The following PI15 variants were observed in gnomAD, a reference collection of about 807,000 sequenced individuals.
PI15 encodes the protein peptidase inhibitor 15, also known as 25 kDa trypsin inhibitor.
PI15 carries 18 observed loss-of-function variants against 31.0 expected under a neutral mutation model. The ratio of observed to expected loss-of-function variants is 0.58; its 90% CI spans 0.40 to 0.86. The LOEUF is 0.86. Among genes scored for constraint, PI15 ranks in the 40% least tolerant of loss-of-function variants. The pLI is 0.00. For missense variants in PI15, 282 were observed against 328.1 expected (o/e 0.86, Z 1.09); for synonymous variants, 118 against 119.1 (o/e 0.99, Z 0.06).
At position 74,849,949 on chromosome 8, in the gene PI15, A is replaced by G. The variant is rs1811083099; in HGVS notation, c.*696A>G. ...CCGCTTAGTCTCATTTTATTCATTC[A>G]GTCGTCATGAGTTGAGTGCTTACTA... is the stretch of plus-strand genomic sequence containing the variant. On this transcript the variant is annotated 3_prime_UTR_variant, in exon 6 of 6. Coordinates refer to ENST00000260113, the MANE Select transcript of PI15 (RefSeq NM_015886.5). 6.6e-6 allele frequency: 1 copy of G among 152,190 alleles called. No individual in the cohort carries two copies. Among genetic ancestry groups the G allele is most frequent in the African/African-American group, 2.4e-5 (1 of 41,454 alleles). The allele number at this position is 152,190 out of a possible 1,614,324, so 9.4% of individuals were successfully genotyped here.
At chr8:74,848,967 A>G (rs1299264846) in intron 5 of PI15, 151 bp from the exon 6 acceptor site, 2 of 621,234 alleles carry the variant, frequency 3.2e-6, no homozygotes, top group Non-Finnish European at 5.5e-6. Context: ...TATTGAAATA[A>G]GAAATGATTA....
rs1811131666 is a variant in PI15, at chr8:74,853,202, T to C, written c.*3949T>C. On this transcript the variant is annotated 3_prime_UTR_variant, in exon 6 of 6. Transcript: ENST00000260113. ...ATATCCTTGCTATAAGTTTTGAAGT[T>C]TCTTAGCAATTAAAGTTTTTTTATT... 1 of 152,556 alleles carries C rather than the reference T, an allele frequency of 6.6e-6. No individual in the cohort carries two copies. The highest frequency in any genetic ancestry group is 1.5e-5 in the Non-Finnish European group (1 of 67,968). The allele number at this position is 152,556 out of a possible 1,614,324, so 9.5% of individuals were successfully genotyped here.
chr8:74,831,979 A>G (rs1210965854), intron 2 of PI15, among the ~76,000 whole-genome samples: 1 of 152,096 alleles, frequency 6.6e-6, no homozygotes, highest in African/African-American at 2.4e-5. Context: ...TTTAAGATCC[A>G]GGGTAATCAT....
At position 74,849,659 on chromosome 8, in the gene PI15, G is replaced by A. The variant is rs187360972; in HGVS notation, c.*406G>A. ...TGCACACAAACATATAATATGTGAT[G>A]TAACATGTAGATGATAATATGATTC... On this transcript the variant is annotated 3_prime_UTR_variant, in exon 6 of 6. Transcript: ENST00000260113. 278 of 153,462 alleles carry A rather than the reference G, an allele frequency of 1.8e-3. 1 individual carries two copies. The highest frequency in any genetic ancestry group is 3.4e-3 in the Middle Eastern group (1 of 292). 9.5% of individuals were successfully genotyped at this position (153,462 alleles called of 1,614,324 possible). A position where few individuals can be genotyped will look rare whatever the true frequency, so the allele number is the denominator to read the frequency against.
rs1811008899 is a variant in PI15 at position 74,845,254 on chromosome 8, T to C, written c.519T>C (p.Tyr173=). The C allele has an allele frequency of 6.2e-7, 1 of 1,613,654 alleles. No homozygotes were observed. The highest frequency in any genetic ancestry group is 1.3e-5 in the African/African-American group (1 of 75,050). Reference sequence around the variant, plus strand: ...GTTTTGGTCCCATGTGCACACATTATACGCAGGTTATTTCAATTACCTTGT... The same window carrying C: ...GTTTTGGTCCCATGTGCACACATTACACGCAGGTTATTTCAATTACCTTGT... The part of the protein sequence containing the change: ...MRCFGPMCTH[Y]TQMVWATSNR... The change falls in exon 4 of 6, where the codon TAT becomes TAC. Residue 173 remains tyrosine (Y), a synonymous_variant. Transcript: ENST00000260113.
chr8:74,826,814 G>A (rs1276499554), intron 2 of PI15, among the ~76,000 whole-genome samples: 1 of 152,020 alleles, frequency 6.6e-6, no homozygotes, highest in Admixed American at 6.6e-5. Flanking sequence ...GAGTTGACGA[G>A]TAATCAGACC....
At chr8:74,840,873 T>A (rs569623956) in intron 2 of PI15, among the ~76,000 whole-genome samples, 2 of 152,268 alleles carry the variant, frequency 1.3e-5, no homozygotes, top group South Asian at 4.1e-4. Context: ...TTCTCCAATA[T>A]ATAATATTTG....
chr8:74,844,510 G>A (rs916636461), intron 3 of PI15, among the ~76,000 whole-genome samples: 3 of 150,208 alleles, frequency 2.0e-5, no homozygotes, highest in Admixed American at 6.7e-5. Flanking sequence ...GCATATACCC[G>A]CATTTACATA....
At chr8:74,832,252 A>G (rs1407774847) in intron 2 of PI15, among the ~76,000 whole-genome samples, 1 of 152,164 alleles carries the variant, frequency 6.6e-6, no homozygotes, top group Non-Finnish European at 1.5e-5. Flanking sequence ...AGTTTCTCTG[A>G]GTTAGAGAAC....
rs1810779254 is a variant in PI15, at chr8:74,831,381, C to A, written c.273+5859C>A. Among the ~76,000 whole-genome samples, 3 of 152,068 alleles carry A rather than the reference C, an allele frequency of 2.0e-5. 1 individual carries two copies. The highest frequency in any genetic ancestry group is 4.4e-5 in the Non-Finnish European group (3 of 68,012). On this transcript the variant is annotated intron_variant, in intron 2 of 5. Transcript: ENST00000260113. ...GTGTTTCTGTTGAATATTTATAGAG[C>A]CTAGCATCATGTCTGCTCCACAGAG...
rs1392183817 is a variant in PI15 at position 74,851,131 on chromosome 8, T to G, written c.*1878T>G. 2 of 152,588 alleles carry G rather than the reference T, an allele frequency of 1.3e-5. No individual in the cohort carries two copies. Among genetic ancestry groups the G allele is most frequent in the East Asian group, 3.8e-4 (2 of 5,200 alleles). The allele number at this position is 152,588 out of a possible 1,614,324, so 9.5% of individuals were successfully genotyped here. A position where few individuals can be genotyped will look rare whatever the true frequency, so the allele number is the denominator to read the frequency against. On this transcript the variant is annotated 3_prime_UTR_variant, in exon 6 of 6. Coordinates refer to ENST00000260113, the MANE Select transcript of PI15 (RefSeq NM_015886.5). ...ACCAAATGCTTTGATATCATACTAC[T>G]CTGCCTTTGTGGGCACATATGTAGA...
At position 74,849,322 on chromosome 8, in the gene PI15, G is replaced by A. The variant is rs138348649; in HGVS notation, c.*69G>A. On this transcript the variant is annotated 3_prime_UTR_variant, in exon 6 of 6. Coordinates refer to ENST00000260113, the MANE Select transcript of PI15 (RefSeq NM_015886.5). Reference sequence around the variant, plus strand: ...GGGCATGTATATATATATATGGAGAGAGAATTTTGCACATATTATACATAT... The same window carrying A: ...GGGCATGTATATATATATATGGAGAAAGAATTTTGCACATATTATACATAT... The A allele has an allele frequency of 9.6e-5, 117 of 1,223,664 alleles. No individual in the cohort carries two copies. The African/African-American group carries it at 1.5e-3, about 15-fold the overall frequency. 75.8% of individuals were successfully genotyped at this position (1,223,664 alleles called of 1,614,324 possible). A position where few individuals can be genotyped will look rare whatever the true frequency, so the allele number is the denominator to read the frequency against.
intron 2 of PI15, among the ~76,000 whole-genome samples, chr8:74,833,317 A>C (rs1406793013): frequency 6.6e-6 from 1 of 152,144 alleles, no homozygotes; most frequent in African/African-American, 2.4e-5. Flanking sequence ...CATGTATTAA[A>C]GAGGGATCTA....
intron 2 of PI15, among the ~76,000 whole-genome samples, chr8:74,829,317 A>G (rs1213933042): frequency 6.6e-6 from 1 of 152,124 alleles, no homozygotes; most frequent in African/African-American, 2.4e-5. Context: ...GATAGAACTT[A>G]AAATTTGCAA....
In PI15 at chr8:74,848,714, A is replaced by AAT. The variant is rs148483473; in HGVS notation, c.642-386_642-385dup. On this transcript the variant is annotated intron_variant, in intron 5 of 5. Coordinates refer to ENST00000260113, the MANE Select transcript of PI15 (RefSeq NM_015886.5). ...TATAAATATATATACAATATATATA[A>AAT]ATATATATATATATATATAGAGAGA... Among the ~76,000 whole-genome samples the AAT allele has an allele frequency of 8.3e-3, 1,180 of 142,710 alleles. 6 individuals are homozygous for AAT. Among genetic ancestry groups the AAT allele is most frequent in the African/African-American group, 0.012 (472 of 38,532 alleles). The allele number at this position is 142,710 out of a possible 152,430, so 93.6% of individuals were successfully genotyped here.
intron 2 of PI15, among the ~76,000 whole-genome samples, chr8:74,839,866 A>G (rs1021981334): frequency 6.6e-6 from 1 of 152,174 alleles, no homozygotes; most frequent in African/African-American, 2.4e-5. Context: ...AGAGAAATTT[A>G]TCAGATAGAT....
In PI15 at chr8:74,846,806, G is replaced by A. The variant is rs539522307; in HGVS notation, c.641+1309G>A. ...AAAGAGAGACGGAGAGAGAGAAAGAGAGAGAGGAGGAGGAATGGAAGGAGG... is the reference window on the plus strand; with the variant it reads ...AAAGAGAGACGGAGAGAGAGAAAGAAAGAGAGGAGGAGGAATGGAAGGAGG... On this transcript the variant is annotated intron_variant, in intron 5 of 5. Coordinates refer to ENST00000260113, the MANE Select transcript of PI15 (RefSeq NM_015886.5). 1.8e-4 allele frequency among the ~76,000 whole-genome samples: 28 copies of A among 152,170 alleles called. No individual in the cohort carries two copies. The East Asian group carries it at 5.4e-3, about 29-fold the overall frequency.
intron 2 of PI15, among the ~76,000 whole-genome samples, chr8:74,838,762 A>C (rs964440516): frequency 2.0e-5 from 3 of 152,210 alleles, no homozygotes; most frequent in Non-Finnish European, 4.4e-5. Flanking sequence ...AAGAGGAAAA[A>C]AAGTCAATTC....
intron 5 of PI15, 63 bp from the exon 6 acceptor site, chr8:74,849,055 A>G (rs1324317628): frequency 1.4e-6 from 2 of 1,462,984 alleles, no homozygotes; most frequent in Non-Finnish European, 1.9e-6. Context: ...TGGCTTAAGG[A>G]CAATCTACTT....
Sources: allele counts gnomAD v4.1 joint callset (sites outside exome capture counted in the v4.1 genomes callset), GRCh38; gene constraint gnomAD v4.1.1; transcripts MANE v1.5; gene names NCBI Gene and HGNC (gene_info 2026-07-23, HGNC 2026-07-21).